Variants in ARID5B observed in about 807,000 individuals in gnomAD.
ARID5B encodes the protein AT-rich interactive domain-containing protein 5B.
In ARID5B, 13 loss-of-function variants were observed where a neutral mutation model predicts 97.2. The observed-to-expected ratio is 0.13, with a 90% confidence interval of 0.09 to 0.21. The LOEUF (loss-of-function observed/expected upper bound fraction) is 0.21. Among genes scored for constraint, ARID5B ranks in the 10% least tolerant of loss-of-function variants. ARID5B has a pLI of 1.00. For missense variants in ARID5B, 1,210 were observed against 1,465.3 expected, an observed-to-expected ratio of 0.83 and a Z score of 2.84; for synonymous variants, 556 against 570.3, an observed-to-expected ratio of 0.97 and a Z score of 0.36.
chr10:62,060,429 C>T (rs1325447246), intron 7 of ARID5B, among the ~76,000 whole-genome samples: 1 of 152,134 alleles, frequency 6.6e-6, no homozygotes, highest in Non-Finnish European at 1.5e-5. Flanking sequence ...CGTATGTACA[C>T]ATGTTTATAA....
At chr10:61,949,624 C>G (rs1017528300) in intron 3 of ARID5B, among the ~76,000 whole-genome samples, 1 of 151,934 alleles carries the variant, frequency 6.6e-6, no homozygotes, top group Admixed American at 6.6e-5. Flanking sequence ...GCAACAAGAG[C>G]GAAACTTTGT....
intron 4 of ARID5B, among the ~76,000 whole-genome samples, chr10:62,047,469 A>C (rs573983399): frequency 6.6e-6 from 1 of 152,356 alleles, no homozygotes; most frequent in South Asian, 2.1e-4. Context: ...AACTGACTGA[A>C]GCCAGATATG....
chr10:62,070,698 T>A (rs757241172), intron 8 of ARID5B, among the ~76,000 whole-genome samples: 1 of 152,248 alleles, frequency 6.6e-6, no homozygotes. Flanking sequence ...TTGGGTTTAG[T>A]ACACCATGAA....
intron 2 of ARID5B, among the ~76,000 whole-genome samples, chr10:61,929,456 G>A (rs548943638): frequency 6.6e-6 from 1 of 152,296 alleles, no homozygotes; most frequent in South Asian, 2.1e-4. Flanking sequence ...AGTATGATAA[G>A]AAAAGTTCAT....
chr10:62,021,164 C>T (rs1489242250), intron 4 of ARID5B, among the ~76,000 whole-genome samples: 1 of 150,850 alleles, frequency 6.6e-6, no homozygotes, highest in Non-Finnish European at 1.5e-5. Context: ...GAGCTCAGTG[C>T]CAAGTCCCAC....
intron 5 of ARID5B, 106 bp downstream of exon 5, chr10:62,051,106 A>T (rs963182272): frequency 1.1e-6 from 1 of 935,112 alleles, no homozygotes; most frequent in African/African-American, 1.6e-5. Context: ...TCAATTCAGC[A>T]TCTGACTTTG....
intron 5 of ARID5B, among the ~76,000 whole-genome samples, chr10:62,052,480 T>C (rs989857245): frequency 2.6e-5 from 4 of 152,208 alleles, no homozygotes; most frequent in Admixed American, 6.5e-5. Context: ...GTTGACAGCA[T>C]TTGTTTACTC....
At chr10:61,909,614 C>T (rs770542943) in intron 2 of ARID5B, among the ~76,000 whole-genome samples, 1 of 152,290 alleles carries the variant, frequency 6.6e-6, no homozygotes, top group East Asian at 1.9e-4. Context: ...CGTCAGCCAC[C>T]GCGCCTGGCC....
chr10:61,981,583 G>C (rs1260266763), intron 3 of ARID5B, among the ~76,000 whole-genome samples: 2 of 152,080 alleles, frequency 1.3e-5, no homozygotes, highest in Non-Finnish European at 2.9e-5. Flanking sequence ...TGCCTGGCCT[G>C]AGGTTTTTAT....
chr10:61,962,370 GATAAAAGCTGAAGCACC>G (rs1262167998), intron 3 of ARID5B, among the ~76,000 whole-genome samples: 14 of 152,202 alleles, frequency 9.2e-5, no homozygotes, highest in Non-Finnish European at 1.9e-4. Flanking sequence ...TTGCATAATT[GATAAAAGCTGAAGCACC>G]ATTAGAAACA....
At chr10:61,902,435 C>T (rs1377321322) in intron 2 of ARID5B, 22 bp downstream of exon 2, 3 of 1,607,574 alleles carry the variant, frequency 1.9e-6, no homozygotes, top group South Asian at 2.2e-5. Context: ...GTCTGTCCCC[C>T]TCTTCTTTCT....
At chr10:61,996,820 G>C (rs1839003042) in intron 3 of ARID5B, among the ~76,000 whole-genome samples, 2 of 151,284 alleles carry the variant, frequency 1.3e-5, no homozygotes, top group Admixed American at 6.6e-5. Context: ...AAGAGATTTT[G>C]CTTCTTTGTT....
intron 8 of ARID5B, among the ~76,000 whole-genome samples, chr10:62,070,137 C>T (rs1840044407): frequency 6.6e-6 from 1 of 151,734 alleles, no homozygotes; most frequent in Admixed American, 6.6e-5. Context: ...TGCAATGCTA[C>T]TCTGAGGTTG....
chr10:62,003,485 G>GT (rs1323372774), intron 4 of ARID5B, among the ~76,000 whole-genome samples: 8 of 152,208 alleles, frequency 5.3e-5, no homozygotes, highest in African/African-American at 1.9e-4. Flanking sequence ...TGTCTAGATT[G>GT]TTTAAAACTC....
intron 4 of ARID5B, among the ~76,000 whole-genome samples, chr10:62,018,481 A>G (rs1839311770): frequency 6.6e-6 from 1 of 152,094 alleles, no homozygotes; most frequent in African/African-American, 2.4e-5. Flanking sequence ...TAGTTGTAAT[A>G]CCAATATCAT....
chr10:61,965,142 C>T (rs1484990415), intron 3 of ARID5B, among the ~76,000 whole-genome samples: 2 of 152,050 alleles, frequency 1.3e-5, no homozygotes, highest in South Asian at 2.1e-4. Context: ...GTAAACATTG[C>T]GAATGGATGG....
chr10:62,032,166 A>C (rs1564632198), intron 4 of ARID5B, among the ~76,000 whole-genome samples: 1 of 152,118 alleles, frequency 6.6e-6, no homozygotes, highest in Admixed American at 6.5e-5. Context: ...ATAAAAATAA[A>C]AAAGTAGTCA....
intron 3 of ARID5B, among the ~76,000 whole-genome samples, chr10:61,978,921 G>T (rs545605753): frequency 6.6e-6 from 1 of 152,302 alleles, no homozygotes; most frequent in South Asian, 2.1e-4. Context: ...GTGAGAGAGG[G>T]CATCCCTGTC....
Position 62,092,699 on chromosome 10 carries a change from CAGGTCTGTATTCCGG to C in ARID5B, c.3237_3251del (p.Gly1080_Gly1084del). 6.2e-7 allele frequency: 1 copy of C among 1,614,090 alleles called. No homozygotes were observed. Among genetic ancestry groups the C allele is most frequent in the Non-Finnish European group, 8.5e-7 (1 of 1,179,988 alleles). ...CTTCCCCTCTCCTCCCCTATCTTCC[CAGGTCTGTATTCCGG>C]GAGCCTGTGTAACTCGGGCCTCAAC... On this transcript the variant is annotated inframe_deletion, in exon 10 of 10. Transcript: ENST00000279873.
Sources: gnomAD v4.1 joint callset for allele counts (sites outside exome capture counted in the v4.1 genomes callset) on GRCh38, gnomAD v4.1.1 for gene constraint, MANE v1.5 for transcripts, NCBI Gene and HGNC (gene_info 2026-07-23, HGNC 2026-07-21) for gene names.